Variants in KHDRBS2 observed in about 807,000 individuals in gnomAD.
The protein encoded by KHDRBS2 is KH domain-containing, RNA-binding, signal transduction-associated protein 2.
A neutral mutation model predicts 44.3 loss-of-function variants in KHDRBS2; 26 were observed. The observed-to-expected ratio is 0.59, with a 90% CI of 0.43 to 0.81. KHDRBS2 has a LOEUF of 0.81. KHDRBS2 is among the 40% of genes least tolerant of loss of function. The pLI, the probability that KHDRBS2 is intolerant of heterozygous loss-of-function variation, is 0.00. For synonymous variants in KHDRBS2, 194 were observed against 151.1 expected (o/e 1.28, Z -2.08); for missense variants, 476 against 433.1 (o/e 1.10, Z -0.88).
At chr6:61,907,986 A>G (rs1805336003) in intron 4 of KHDRBS2, among the ~76,000 whole-genome samples, 1 of 152,214 alleles carries the variant, frequency 6.6e-6, no homozygotes, top group African/African-American at 2.4e-5. Flanking sequence ...AGTTCACTTG[A>G]ATAGTATTGA....
the KHDRBS2 span, among the ~76,000 whole-genome samples, chr6:61,627,400 C>T: frequency 4.6e-5 from 7 of 151,810 alleles, no homozygotes; most frequent in Admixed American, 3.3e-4. Context: ...TGAGTTTATG[C>T]TAATGAGATG....
intron 2 of KHDRBS2, among the ~76,000 whole-genome samples, chr6:62,103,395 A>G (rs1802357209): frequency 6.6e-6 from 1 of 152,248 alleles, no homozygotes; most frequent in Admixed American, 6.5e-5. Flanking sequence ...ATGACATGTC[A>G]GAACTGTCCC....
At chr6:61,972,810 G>T (rs1186631598) in intron 4 of KHDRBS2, among the ~76,000 whole-genome samples, 2 of 152,112 alleles carry the variant, frequency 1.3e-5, no homozygotes, top group South Asian at 2.1e-4. Context: ...GGCTGGTGGG[G>T]TTTAGTTGAA....
At chr6:62,174,929 C>A (rs928904081) in intron 2 of KHDRBS2, among the ~76,000 whole-genome samples, 1 of 151,650 alleles carries the variant, frequency 6.6e-6, no homozygotes, top group African/African-American at 2.4e-5. Flanking sequence ...CATAAATGTA[C>A]ATCAAATACA....
chr6:62,220,062 C>T (rs970122672), intron 1 of KHDRBS2, among the ~76,000 whole-genome samples: 2 of 150,882 alleles, frequency 1.3e-5, no homozygotes, highest in African/African-American at 2.4e-5. Context: ...AAAGAAATTT[C>T]TAGGGAGGAG....
At chr6:61,580,450 C>T in the KHDRBS2 span, among the ~76,000 whole-genome samples, 1 of 152,134 alleles carries the variant, frequency 6.6e-6, no homozygotes, top group African/African-American at 2.4e-5. Flanking sequence ...CAGCGGTTAC[C>T]AACTGGGGTC....
At chr6:61,667,151 G>A in the KHDRBS2 span, among the ~76,000 whole-genome samples, 3 of 146,742 alleles carry the variant, frequency 2.0e-5, no homozygotes, top group African/African-American at 7.5e-5. Flanking sequence ...TTTTTTTTAA[G>A]ATGGAAGGAC....
chr6:61,724,224 T>C (rs1269848717), intron 7 of KHDRBS2, among the ~76,000 whole-genome samples: 2 of 152,058 alleles, frequency 1.3e-5, no homozygotes, highest in East Asian at 1.9e-4. Flanking sequence ...CTAAGCTTCA[T>C]AAATGATGGA....
intron 2 of KHDRBS2, among the ~76,000 whole-genome samples, chr6:62,174,725 T>C (rs1244688244): frequency 6.6e-6 from 1 of 151,756 alleles, no homozygotes; most frequent in Non-Finnish European, 1.5e-5. Context: ...ACATTAATTA[T>C]TGGTACAGAC....
chr6:61,821,750 T>C (rs1201125280), intron 6 of KHDRBS2, among the ~76,000 whole-genome samples: 3 of 151,824 alleles, frequency 2.0e-5, no homozygotes, highest in African/African-American at 7.2e-5. Flanking sequence ...AGATGTCCTA[T>C]GGATTGCTTC....
intron 6 of KHDRBS2, among the ~76,000 whole-genome samples, chr6:61,865,305 G>A (rs539013355): frequency 6.6e-6 from 1 of 152,250 alleles, no homozygotes; most frequent in Admixed American, 6.5e-5. Context: ...AGATATACTA[G>A]AGACTGGAAA....
chr6:61,987,405 T>A (rs1775249420), intron 3 of KHDRBS2, among the ~76,000 whole-genome samples: 1 of 152,206 alleles, frequency 6.6e-6, no homozygotes, highest in African/African-American at 2.4e-5. Flanking sequence ...ATACTGTATA[T>A]CCAAGTTTTG....
chr6:62,091,227 C>T (rs2127363783), intron 2 of KHDRBS2, among the ~76,000 whole-genome samples: 1 of 152,238 alleles, frequency 6.6e-6, no homozygotes, highest in South Asian at 2.1e-4. Context: ...TAGAAAGAAG[C>T]CCAAAGGTCA....
chr6:62,179,828 C>G (rs1821891745), intron 1 of KHDRBS2, among the ~76,000 whole-genome samples: 1 of 151,746 alleles, frequency 6.6e-6, no homozygotes, highest in African/African-American at 2.4e-5. Context: ...ACTGCTATTT[C>G]TGTTCAATTC....
chr6:62,025,739 A>G (rs1327581682), intron 3 of KHDRBS2, among the ~76,000 whole-genome samples: 3 of 151,962 alleles, frequency 2.0e-5, no homozygotes, highest in African/African-American at 4.8e-5. Context: ...GGTCCTCAAT[A>G]TCATTTATTT....
At chr6:61,826,611 G>A (rs1017724909) in intron 6 of KHDRBS2, among the ~76,000 whole-genome samples, 7 of 152,026 alleles carry the variant, frequency 4.6e-5, no homozygotes, top group African/African-American at 7.2e-5. Context: ...TCATCTGGTC[G>A]ATGCTAGCAA....
chr6:61,653,800 AT>A, the KHDRBS2 span, among the ~76,000 whole-genome samples: 1 of 152,092 alleles, frequency 6.6e-6, no homozygotes, highest in Non-Finnish European at 1.5e-5. Flanking sequence ...AATAAAAAAG[AT>A]CATTTGGGGA....
intron 2 of KHDRBS2, among the ~76,000 whole-genome samples, chr6:62,153,980 G>C (rs1192948966): frequency 6.6e-6 from 1 of 152,166 alleles, no homozygotes; most frequent in African/African-American, 2.4e-5. Context: ...TGAGGTACTA[G>C]AGTCCTGGGT....
intron 4 of KHDRBS2, among the ~76,000 whole-genome samples, chr6:61,951,602 C>A (rs1009137616): frequency 2.0e-5 from 3 of 151,994 alleles, no homozygotes; most frequent in Non-Finnish European, 4.4e-5. Flanking sequence ...CTTACTCATG[C>A]AGTTCCTTTA....
Sources: gnomAD v4.1 joint callset for allele counts (sites outside exome capture counted in the v4.1 genomes callset) on GRCh38, gnomAD v4.1.1 for gene constraint, MANE v1.5 for transcripts, NCBI Gene and HGNC (gene_info 2026-07-23, HGNC 2026-07-21) for gene names.